Variants in MYO6 observed in about 807,000 individuals in gnomAD.
MYO6 encodes the protein unconventional myosin-VI.
In MYO6, 74 loss-of-function variants were observed where a neutral mutation model predicts 178.7. The observed-to-expected ratio is 0.41, with a 90% CI of 0.34 to 0.50. MYO6 has a LOEUF of 0.50. Ranked by LOEUF, MYO6 falls within the 20% of genes least tolerant of loss-of-function variation. The pLI is 0.09. For synonymous variants in MYO6, 477 were observed against 504.6 expected (o/e 0.95, Z 0.73); for missense variants, 1,330 against 1,547.4 (o/e 0.86, Z 2.36).
chr6:75,841,500 G>C (rs1774220837), intron 9 of MYO6, 122 bp downstream of exon 9: 3 of 892,950 alleles, frequency 3.4e-6, no homozygotes, highest in Non-Finnish European at 5.1e-6. Context: ...AGCAGCCTGG[G>C]CAATGTAGCG....
chr6:75,812,630 C>T (rs1272234677), intron 1 of MYO6, among the ~76,000 whole-genome samples: 1 of 151,452 alleles, frequency 6.6e-6, no homozygotes, highest in East Asian at 1.9e-4. Context: ...TATCATTCTA[C>T]TCCCTATCTT....
At chr6:75,758,930 C>T (rs1375620261) in intron 1 of MYO6, among the ~76,000 whole-genome samples, 1 of 150,124 alleles carries the variant, frequency 6.7e-6, no homozygotes, top group South Asian at 2.1e-4. Context: ...AGTGCAGTGG[C>T]ATGATCTCAG....
chr6:75,803,980 G>T (rs983118505), intron 1 of MYO6, among the ~76,000 whole-genome samples: 1 of 152,118 alleles, frequency 6.6e-6, no homozygotes, highest in African/African-American at 2.4e-5. Flanking sequence ...TGCAGCCTTG[G>T]CCACCTGAGC....
chr6:75,913,110 TAACTG>T (rs933291280), intron 33 of MYO6, among the ~76,000 whole-genome samples: 2 of 152,170 alleles, frequency 1.3e-5, no homozygotes, highest in African/African-American at 4.8e-5. Context: ...GTGAGACTCT[TAACTG>T]AGCTGCTGTA....
At chr6:75,880,167 T>A in intron 22 of MYO6, 47 bp downstream of exon 22, 2 of 1,310,850 alleles carry the variant, frequency 1.5e-6, no homozygotes. Context: ...TGAAAACAAA[T>A]AGTTGGGGTT....
chr6:75,895,870 G>T (rs1779263786), intron 29 of MYO6, among the ~76,000 whole-genome samples: 1 of 151,930 alleles, frequency 6.6e-6, no homozygotes, highest in South Asian at 2.1e-4. Context: ...ATAGAAGCAG[G>T]TGTGGAGGCA....
chr6:75,885,907 G>C, intron 23 of MYO6, 97 bp from the exon 24 acceptor site: 1 of 742,456 alleles, frequency 1.3e-6, no homozygotes, highest in East Asian at 2.7e-5. Context: ...AAGATTTCAT[G>C]TTTCTTGAGC....
intron 30 of MYO6, among the ~76,000 whole-genome samples, chr6:75,905,613 C>T (rs183552946): frequency 3.3e-5 from 5 of 152,360 alleles, no homozygotes; most frequent in African/African-American, 9.6e-5. Context: ...CCTGCGCCCA[C>T]TGTCTGGCAC....
At chr6:75,914,316 A>G (rs1780991007) in intron 34 of MYO6, 35 bp downstream of exon 34, 1 of 1,576,584 alleles carries the variant, frequency 6.3e-7, no homozygotes, top group Non-Finnish European at 8.7e-7. Context: ...AAATTATAGA[A>G]CAAAAAAGAT....
At chr6:75,860,289 A>T (rs1157072473) in intron 14 of MYO6, among the ~76,000 whole-genome samples, 1 of 152,196 alleles carries the variant, frequency 6.6e-6, no homozygotes, top group Non-Finnish European at 1.5e-5. Context: ...GAATTCTGGC[A>T]TAAACAAACA....
At chr6:75,908,419 A>G in intron 31 of MYO6, 77 bp from the exon 32 acceptor site, 1 of 1,427,318 alleles carries the variant, frequency 7.0e-7, no homozygotes, top group Non-Finnish European at 9.7e-7. Flanking sequence ...TCCTTATGCG[A>G]CAGAATAATT....
intron 3 of MYO6, among the ~76,000 whole-genome samples, chr6:75,827,118 A>G (rs892300681): frequency 6.6e-6 from 1 of 152,230 alleles, no homozygotes; most frequent in African/African-American, 2.4e-5. Flanking sequence ...ATCAGGCAGC[A>G]TCTTGCCCCC....
intron 1 of MYO6, among the ~76,000 whole-genome samples, chr6:75,759,635 G>A (rs913700618): frequency 6.6e-6 from 1 of 151,968 alleles, no homozygotes; most frequent in African/African-American, 2.4e-5. Context: ...AATTGAGGAT[G>A]TGAAGGAGCA....
intron 3 of MYO6, among the ~76,000 whole-genome samples, chr6:75,824,618 A>G (rs1020305417): frequency 9.2e-5 from 14 of 152,050 alleles, no homozygotes; most frequent in Admixed American, 3.3e-4. Context: ...TTTCTTCTTT[A>G]TATTATGGTA....
chr6:75,821,535 T>C (rs1771868862), intron 2 of MYO6, among the ~76,000 whole-genome samples: 1 of 152,114 alleles, frequency 6.6e-6, no homozygotes, highest in Admixed American at 6.6e-5. Context: ...TTCCAGAGTT[T>C]CTATGGCATA....
intron 7 of MYO6, among the ~76,000 whole-genome samples, chr6:75,837,940 CACTT>C (rs774216143): frequency 2.6e-5 from 4 of 152,116 alleles, no homozygotes; most frequent in East Asian, 1.9e-4. Flanking sequence ...GGTGCACACT[CACTT>C]AATAATTGGA....
intron 25 of MYO6, among the ~76,000 whole-genome samples, chr6:75,889,224 G>A (rs1020135083): frequency 8.6e-5 from 13 of 152,034 alleles, no homozygotes; most frequent in Admixed American, 7.9e-4. Flanking sequence ...TCTGTCAAGG[G>A]CCATCTTTGT....
chr6:75,817,737 C>G (rs938437084), intron 2 of MYO6, 73 bp downstream of exon 2: 1 of 1,290,934 alleles, frequency 7.7e-7, no homozygotes, highest in African/African-American at 1.5e-5. Flanking sequence ...AGAGTAAGGT[C>G]TGTCTTCTTA....
Position 75,891,214 on chromosome 6 carries a change from C to T in MYO6, c.2868-14C>T. On this transcript the variant is annotated splice_polypyrimidine_tract_variant and intron_variant, in intron 26 of 34. Coordinates refer to ENST00000369977, the MANE Select transcript of MYO6 (RefSeq NM_004999.4). ...TTCTGTTAAATTTTTGAAGAGTTTT[C>T]TATTTTTTATTAGGAAACTTGAGAT... 1 of 1,565,602 alleles carries T rather than the reference C, an allele frequency of 6.4e-7. No homozygotes were observed. The highest frequency in any genetic ancestry group is 8.7e-7 in the Non-Finnish European group (1 of 1,142,968).
Sources: allele counts gnomAD v4.1 joint callset (sites outside exome capture counted in the v4.1 genomes callset), GRCh38; gene constraint gnomAD v4.1.1; transcripts MANE v1.5; gene names NCBI Gene and HGNC (gene_info 2026-07-23, HGNC 2026-07-21).